OR11G2: variants seen among roughly 807,000 people sequenced by gnomAD.
OR11G2 encodes the protein olfactory receptor family 11 subfamily G member 2.
A neutral mutation model predicts 0.9 loss-of-function variants in OR11G2; 2 were observed. The ratio of observed to expected loss-of-function variants is 2.35; its 90% CI spans 0.96 to 7.38. The LOEUF (loss-of-function observed/expected upper bound fraction) is 7.38, where lower values mean the gene tolerates loss of function less well. Ranked by LOEUF, OR11G2 falls within the 30% of genes most tolerant of loss-of-function variation. The probability of loss-of-function intolerance (pLI) is 0.05; values close to 1 mark genes in which losing one functional copy is unlikely to be tolerated. For synonymous variants in OR11G2, 153 were observed against 142.0 expected, an observed-to-expected ratio of 1.08 and a Z score of -0.55; for missense variants, 395 against 371.3, an observed-to-expected ratio of 1.06 and a Z score of -0.52.
In OR11G2 at chr14:20,199,614, G is replaced by C. The variant is rs1879860335; in HGVS notation, c.*1241G>C. ...TGTATTTTGTCCAGATTTTACTGTT[G>C]ATAGAAATTATTTTGGGTTTAGTAC... On this transcript the variant is annotated 3_prime_UTR_variant, in exon 2 of 2. Transcript: ENST00000641879. The C allele has an allele frequency of 6.6e-6, 1 of 152,144 alleles. No homozygotes were observed. The highest frequency in any genetic ancestry group is 2.1e-4 in the South Asian group (1 of 4,822). The allele number at this position is 152,144 out of a possible 1,614,324, so 9.4% of individuals were successfully genotyped here.
intron 1 of OR11G2, among the ~76,000 whole-genome samples, chr14:20,195,448 G>A (rs547735236): frequency 6.6e-6 from 1 of 152,320 alleles, no homozygotes; most frequent in South Asian, 2.1e-4. Context: ...GCTGAGGCAC[G>A]AGAATTGCTT....
intron 1 of OR11G2, among the ~76,000 whole-genome samples, chr14:20,192,053 C>T (rs1372847010): frequency 2.0e-5 from 3 of 152,152 alleles, no homozygotes; most frequent in Non-Finnish European, 4.4e-5. Context: ...TGACCATACC[C>T]GGCTAATTTT....
At position 20,191,668 on chromosome 14, in the gene OR11G2, T is replaced by G. The variant is rs1437290453; in HGVS notation, c.-5+2T>G. Reference sequence around the variant, plus strand: ...TACAGAGGAGCTAGGTAATAAAAGGTGAGTAACATTACACTCTTGTTAGAA... The same window carrying G: ...TACAGAGGAGCTAGGTAATAAAAGGGGAGTAACATTACACTCTTGTTAGAA... On this transcript the variant is annotated splice_donor_variant, in intron 1 of 1. Coordinates refer to ENST00000641879, the MANE Select transcript of OR11G2 (RefSeq NM_001386033.1). LOFTEE classifies it low-confidence loss of function (5UTR_SPLICE). 1 of 152,202 alleles carries G rather than the reference T, an allele frequency of 6.6e-6. No individual in the cohort carries two copies. Among genetic ancestry groups the G allele is most frequent in the Non-Finnish European group, 1.5e-5 (1 of 68,034 alleles). 9.4% of individuals were successfully genotyped at this position (152,202 alleles called of 1,614,324 possible). A position where few individuals can be genotyped will look rare whatever the true frequency, so the allele number is the denominator to read the frequency against.
At chr14:20,194,584 A>G (rs1436879215) in intron 1 of OR11G2, among the ~76,000 whole-genome samples, 1 of 152,218 alleles carries the variant, frequency 6.6e-6, no homozygotes, top group Non-Finnish European at 1.5e-5. Context: ...CTAGCAAAAA[A>G]ATCCTGGTCA....
Position 20,191,049 on chromosome 14 carries a change from C to T in OR11G2, c.-622C>T, listed in dbSNP as rs544357360. On this transcript the variant is annotated 5_prime_UTR_variant, in exon 1 of 2. Coordinates refer to ENST00000641879, the MANE Select transcript of OR11G2 (RefSeq NM_001386033.1). ...CTCAGAGAAACTTCAGGTTTGTGAT[C>T]CCCTTTTGTCCATGAAAGGAGATGA... The T allele has an allele frequency of 8.8e-4, 134 of 152,302 alleles. No homozygotes were observed. Among genetic ancestry groups the T allele is most frequent in the African/African-American group, 3.0e-3 (125 of 41,566 alleles). 9.4% of individuals were successfully genotyped at this position (152,302 alleles called of 1,614,324 possible).
Position 20,197,542 on chromosome 14 carries a change from CACTGTTGTTT to C in OR11G2, c.108_117del (p.Val37SerfsTer2). The C allele has an allele frequency of 6.2e-7, 1 of 1,614,140 alleles. No homozygotes were observed. The highest frequency in any genetic ancestry group is 8.5e-7 in the Non-Finnish European group (1 of 1,179,974). On this transcript the variant is annotated frameshift_variant, in exon 2 of 2. Transcript: ENST00000641879. LOFTEE classifies it high-confidence loss of function. The stretch of plus-strand genomic sequence containing the variant: ...GGCAGATCCTCCTCTTTGTGCTCTT[CACTGTTGTTT>C]ACCTCCTGACCCTCATGGGCAATGG...
At chr14:20,194,164 G>T (rs1378071692) in intron 1 of OR11G2, among the ~76,000 whole-genome samples, 1 of 152,170 alleles carries the variant, frequency 6.6e-6, no homozygotes, top group Non-Finnish European at 1.5e-5. Flanking sequence ...TATTCAAAGA[G>T]CATTGGGAAG....
In OR11G2 at chr14:20,199,141, G is replaced by A. The variant is rs1355537570; in HGVS notation, c.*768G>A. On this transcript the variant is annotated 3_prime_UTR_variant, in exon 2 of 2. Transcript: ENST00000641879. ...GGTCCCTCCGCTTCAGCTGATCCTA[G>A]CCTCCTATTTCAGTACTTCTTGAAC... The A allele has an allele frequency of 6.6e-6, 1 of 152,170 alleles. No individual in the cohort carries two copies. Among genetic ancestry groups the A allele is most frequent in the Non-Finnish European group, 1.5e-5 (1 of 68,054 alleles). 9.4% of individuals were successfully genotyped at this position (152,170 alleles called of 1,614,324 possible).
chr14:20,200,585 A>G lies in OR11G2; in HGVS notation c.*2212A>G, dbSNP rs1055919139. ...GGCGTATCAGCTTTACAAACTCTATATAGGGTGACAAGGCAACCTCTATCA... is the reference window on the plus strand; with the variant it reads ...GGCGTATCAGCTTTACAAACTCTATGTAGGGTGACAAGGCAACCTCTATCA... On this transcript the variant is annotated 3_prime_UTR_variant, in exon 2 of 2. Transcript: ENST00000641879. 4.6e-5 allele frequency: 7 copies of G among 152,320 alleles called. No homozygotes were observed. Among genetic ancestry groups the G allele is most frequent in the Admixed American group, 4.6e-4 (7 of 15,302 alleles). 9.4% of individuals were successfully genotyped at this position (152,320 alleles called of 1,614,324 possible). A position where few individuals can be genotyped will look rare whatever the true frequency, so the allele number is the denominator to read the frequency against.
In OR11G2 at chr14:20,198,502, G is replaced by A; in HGVS notation, c.*129G>A. ...CCAGCACTTTGGGAGCCCGAGGCGGGTGGATCACGAGGTCAGGAGATCAAG... is the reference window on the plus strand; with the variant it reads ...CCAGCACTTTGGGAGCCCGAGGCGGATGGATCACGAGGTCAGGAGATCAAG... On this transcript the variant is annotated 3_prime_UTR_variant, in exon 2 of 2. Coordinates refer to ENST00000641879, the MANE Select transcript of OR11G2 (RefSeq NM_001386033.1). 1 of 645,028 alleles carries A rather than the reference G, an allele frequency of 1.6e-6. No homozygotes were observed. Among genetic ancestry groups the A allele is most frequent in the Non-Finnish European group, 2.7e-6 (1 of 374,042 alleles). 40.0% of individuals were successfully genotyped at this position (645,028 alleles called of 1,614,324 possible). A position where few individuals can be genotyped will look rare whatever the true frequency, so the allele number is the denominator to read the frequency against.
chr14:20,192,695 G>A (rs765053692), intron 1 of OR11G2, among the ~76,000 whole-genome samples: 5 of 152,028 alleles, frequency 3.3e-5, no homozygotes, highest in African/African-American at 7.2e-5. Flanking sequence ...AATATCTATC[G>A]ATGTATTGTC....
At position 20,195,261 on chromosome 14, in the gene OR11G2, T is replaced by C. The variant is rs111303488; in HGVS notation, c.-4-2173T>C. ...AGGGTGTTTTAAAAAATTATGTGGC[T>C]GGGCGCAGTGGCTCATGCCTGTAAT... is the stretch of plus-strand genomic sequence containing the variant. On this transcript the variant is annotated intron_variant, in intron 1 of 1. Coordinates refer to ENST00000641879, the MANE Select transcript of OR11G2 (RefSeq NM_001386033.1). Among the ~76,000 whole-genome samples, 446 of 152,272 alleles carry C rather than the reference T, an allele frequency of 2.9e-3. 2 individuals carry two copies. Among genetic ancestry groups the C allele is most frequent in the African/African-American group, 0.01 (427 of 41,552 alleles).
chr14:20,192,050 AC>A (rs1879663566), intron 1 of OR11G2, among the ~76,000 whole-genome samples: 1 of 151,976 alleles, frequency 6.6e-6, no homozygotes, highest in Non-Finnish European at 1.5e-5. Flanking sequence ...ATATGACCAT[AC>A]CCGGCTAATT....
chr14:20,195,898 G>A (rs1879741833), intron 1 of OR11G2, among the ~76,000 whole-genome samples: 1 of 152,152 alleles, frequency 6.6e-6, no homozygotes, highest in South Asian at 2.1e-4. Flanking sequence ...TGGGAGATGA[G>A]TAACTCAAAG....
Position 20,197,922 on chromosome 14 carries a change from T to C in OR11G2, c.485T>C (p.Ile162Thr). The C allele has an allele frequency of 6.2e-7, 1 of 1,614,140 alleles. No individual in the cohort carries two copies. Among genetic ancestry groups the C allele is most frequent in the South Asian group, 1.1e-5 (1 of 91,074 alleles). Residue 162 changes from isoleucine (I) to threonine (T), a missense_variant, in exon 2 of 2, where the codon ATT becomes ACT. Transcript: ENST00000641879. ...CWVLGFIWFL[I>T]PIVNISQMSF... ...GTACTTGGTTTCATCTGGTTCTTGA[T>C]TCCTATCGTCAACATCTCCCAAATG... is the stretch of plus-strand genomic sequence containing the variant.
In OR11G2 at chr14:20,197,840, C is replaced by T. The variant is rs754051687; in HGVS notation, c.403C>T (p.Arg135Cys). 10 of 1,614,024 alleles carry T rather than the reference C, an allele frequency of 6.2e-6. No individual in the cohort carries two copies. The highest frequency in any genetic ancestry group is 8.5e-6 in the Non-Finnish European group (10 of 1,180,028). The change falls in exon 2 of 2, where the codon CGC becomes TGC. Residue 135 changes from arginine (R) to cysteine (C), a missense_variant. By Grantham distance (180) the Arg-to-Cys change is radical (BLOSUM62 -3). Coordinates refer to ENST00000641879, the MANE Select transcript of OR11G2 (RefSeq NM_001386033.1). Reference protein sequence around the residue: ...DRYLAICRPLRYPTIMTRRLC... With the variant: ...DRYLAICRPLCYPTIMTRRLC... ...ATACCTTGCCATCTGTCGGCCTCTA[C>T]GCTATCCAACCATTATGACCAGACG...
rs2139114114 is a variant in OR11G2 at position 20,197,805 on chromosome 14, C to T, written c.368C>T (p.Ala123Val). 2 of 1,614,064 alleles carry T rather than the reference C, an allele frequency of 1.2e-6. No individual in the cohort carries two copies. The highest frequency in any genetic ancestry group is 8.5e-7 in the Non-Finnish European group (1 of 1,179,970). Residue 123 changes from alanine to valine, a missense_variant, in exon 2 of 2, where the codon GCA becomes GTA. Ala to Val is a moderately conservative substitution (Grantham distance 64). Coordinates refer to ENST00000641879, the MANE Select transcript of OR11G2 (RefSeq NM_001386033.1). The part of the protein sequence containing the change: ...STECFFLAVM[A>V]FDRYLAICRP... ...GAATGCTTTTTCCTGGCAGTTATGG[C>T]ATTTGATCGATACCTTGCCATCTGT... is the stretch of plus-strand genomic sequence containing the variant.
In OR11G2 at chr14:20,198,534, C is replaced by T. The variant is rs1879831153; in HGVS notation, c.*161C>T. The T allele has an allele frequency of 1.9e-6, 1 of 526,962 alleles. No individual in the cohort carries two copies. Among genetic ancestry groups the T allele is most frequent in the Non-Finnish European group, 3.3e-6 (1 of 299,048 alleles). 32.6% of individuals were successfully genotyped at this position (526,962 alleles called of 1,614,324 possible). ...ACGAGGTCAGGAGATCAAGACCACC[C>T]TGGCTAACACGGTGAAACCCTGTCT... On this transcript the variant is annotated 3_prime_UTR_variant, in exon 2 of 2. Coordinates refer to ENST00000641879, the MANE Select transcript of OR11G2 (RefSeq NM_001386033.1).
chr14:20,190,992 G>T lies in OR11G2; in HGVS notation c.-679G>T, dbSNP rs1188578. 5 of 152,144 alleles carry T rather than the reference G, an allele frequency of 3.3e-5. No individual in the cohort carries two copies. The highest frequency in any genetic ancestry group is 2.6e-4 in the Admixed American group (4 of 15,260). 9.4% of individuals were successfully genotyped at this position (152,144 alleles called of 1,614,324 possible). On this transcript the variant is annotated 5_prime_UTR_variant, in exon 1 of 2. Coordinates refer to ENST00000641879, the MANE Select transcript of OR11G2 (RefSeq NM_001386033.1). ...TTCTTTGATGGCTAACATAGAAAAG[G>T]CTACCTCTCCTCTCCAGGACAATCA... is the stretch of plus-strand genomic sequence containing the variant.
Sources: gnomAD v4.1 joint callset for allele counts (sites outside exome capture counted in the v4.1 genomes callset) on GRCh38, gnomAD v4.1.1 for gene constraint, MANE v1.5 for transcripts, NCBI Gene and HGNC (gene_info 2026-07-23, HGNC 2026-07-21) for gene names.